The following BCL7A variants were observed in gnomAD, a reference collection of about 807,000 sequenced individuals.
BCL7A encodes B-cell CLL/lymphoma 7 protein family member A.
Under a neutral mutation model 28.4 loss-of-function variants are expected in BCL7A, and 11 were observed. That is an observed-to-expected ratio of 0.39 (90% CI 0.24 to 0.64). The LOEUF (loss-of-function observed/expected upper bound fraction) is 0.64, where lower values mean the gene tolerates loss of function less well. Among genes scored for constraint, BCL7A ranks in the 30% least tolerant of loss-of-function variants. The pLI is 0.50. For missense variants in BCL7A, 222 were observed against 274.8 expected, an observed-to-expected ratio of 0.81 and a Z score of 1.36; for synonymous variants, 123 against 103.3, an observed-to-expected ratio of 1.19 and a Z score of -1.15.
At chr12:122,025,430 C>G (rs1293435882) in intron 1 of BCL7A, among the ~76,000 whole-genome samples, 3 of 151,502 alleles carry the variant, frequency 2.0e-5, no homozygotes, top group Non-Finnish European at 4.4e-5. Flanking sequence ...CAAGACCATC[C>G]TGGCAAACAT....
At chr12:122,042,496 A>G (rs1883982097) in intron 3 of BCL7A, among the ~76,000 whole-genome samples, 1 of 152,030 alleles carries the variant, frequency 6.6e-6, no homozygotes, top group African/African-American at 2.4e-5. Context: ...TCTACTAAAA[A>G]ATACAAAACT....
intron 5 of BCL7A, among the ~76,000 whole-genome samples, chr12:122,056,618 T>C (rs1410335135): frequency 6.6e-6 from 1 of 151,882 alleles, no homozygotes; most frequent in Non-Finnish European, 1.5e-5. Flanking sequence ...CTGGGCAACA[T>C]AGCAAGACCC....
At chr12:122,026,945 T>A (rs556550848) in intron 1 of BCL7A, among the ~76,000 whole-genome samples, 1 of 152,334 alleles carries the variant, frequency 6.6e-6, no homozygotes, top group African/African-American at 2.4e-5. Flanking sequence ...TGGGGCTATA[T>A]TCCTACTGCT....
At chr12:122,041,699 GGCTGCAGTGAGCTATGATTGT>G (rs1429821891) in intron 3 of BCL7A, among the ~76,000 whole-genome samples, 1 of 152,192 alleles carries the variant, frequency 6.6e-6, no homozygotes, top group African/African-American at 2.4e-5. Flanking sequence ...AGGAGTTCGA[GGCTGCAGTGAGCTATGATTGT>G]GCTGCTGTAC....
In BCL7A at chr12:122,022,184, G is replaced by A. The variant is rs780433687; in HGVS notation, c.92+1G>A. The A allele has an allele frequency of 4.0e-6, 6 of 1,493,438 alleles. No individual in the cohort carries two copies. The highest frequency in any genetic ancestry group is 5.7e-5 in the East Asian group (2 of 34,978). The allele number at this position is 1,493,438 out of a possible 1,614,324, so 92.5% of individuals were successfully genotyped here. ...CGGCGATCGAGAAAGTGCGCAAATGGTAAGCGGAGGCGCCCGCCGCCAGCC... is the reference window on the plus strand; with the variant it reads ...CGGCGATCGAGAAAGTGCGCAAATGATAAGCGGAGGCGCCCGCCGCCAGCC... On this transcript the variant is annotated splice_donor_variant, in intron 1 of 5. Transcript: ENST00000261822. LOFTEE classifies it high-confidence loss of function.
intron 4 of BCL7A, among the ~76,000 whole-genome samples, chr12:122,052,142 T>G (rs1247794557): frequency 6.6e-6 from 1 of 152,078 alleles, no homozygotes. Flanking sequence ...CCCAAAATGC[T>G]GGGATTACAG....
intron 1 of BCL7A, among the ~76,000 whole-genome samples, chr12:122,025,225 C>T (rs1441328019): frequency 2.6e-5 from 4 of 151,938 alleles, no homozygotes; most frequent in Admixed American, 6.6e-5. Flanking sequence ...AGGCCCGCTG[C>T]GGTGGCTCAC....
rs1951916263 is a variant in BCL7A, at chr12:122,060,971, A to T, written c.*1808A>T. ...GAAAGGTTTCTGTCTTAAAAAAAAAAATCCTTGTACTTATCAATTTTGCCC... is the reference window on the plus strand; with the variant it reads ...GAAAGGTTTCTGTCTTAAAAAAAAATATCCTTGTACTTATCAATTTTGCCC... On this transcript the variant is annotated 3_prime_UTR_variant, in exon 6 of 6. Coordinates refer to ENST00000261822, the MANE Select transcript of BCL7A (RefSeq NM_001024808.3). 1 of 227,252 alleles carries T rather than the reference A, an allele frequency of 4.4e-6. No individual in the cohort carries two copies. 14.1% of individuals were successfully genotyped at this position (227,252 alleles called of 1,614,324 possible). A position where few individuals can be genotyped will look rare whatever the true frequency, so the allele number is the denominator to read the frequency against.
At chr12:122,024,414 T>C (rs1683027992) in intron 1 of BCL7A, among the ~76,000 whole-genome samples, 1 of 151,574 alleles carries the variant, frequency 6.6e-6, no homozygotes, top group Non-Finnish European at 1.5e-5. Flanking sequence ...CTCAGTGTTG[T>C]CTGTGTTGTA....
intron 3 of BCL7A, among the ~76,000 whole-genome samples, chr12:122,042,179 A>G (rs1245782661): frequency 6.6e-6 from 1 of 152,162 alleles, no homozygotes; most frequent in Admixed American, 6.6e-5. Context: ...CCATTGCCCA[A>G]TTACCCCTTC....
intron 4 of BCL7A, among the ~76,000 whole-genome samples, chr12:122,052,826 G>T (rs1458922229): frequency 7.4e-6 from 1 of 135,564 alleles, no homozygotes; most frequent in East Asian, 2.6e-4. Context: ...GGGATTACAG[G>T]CGCGCGACAC....
At chr12:122,035,915 A>G (rs528662365) in intron 3 of BCL7A, among the ~76,000 whole-genome samples, 12 of 152,158 alleles carry the variant, frequency 7.9e-5, no homozygotes, top group African/African-American at 2.9e-4. Context: ...GTCTTGGCTC[A>G]CTGCAATCTA....
At chr12:122,024,904 T>C in intron 1 of BCL7A, among the ~76,000 whole-genome samples, 1 of 152,206 alleles carries the variant, frequency 6.6e-6, no homozygotes, top group African/African-American at 2.4e-5. Flanking sequence ...GGTGGGTTTC[T>C]CCTCAGCCCT....
chr12:122,034,717 GGGT>G (rs1883814992), intron 2 of BCL7A, among the ~76,000 whole-genome samples: 1 of 151,528 alleles, frequency 6.6e-6, no homozygotes, highest in East Asian at 1.9e-4. Flanking sequence ...ACTCTAGCCT[GGGT>G]GACAGAACGA....
intron 1 of BCL7A, among the ~76,000 whole-genome samples, chr12:122,024,107 A>G: frequency 6.6e-6 from 1 of 152,082 alleles, no homozygotes; most frequent in East Asian, 1.9e-4. Context: ...GAGGCCTTCC[A>G]GCCCGCTGAC....
chr12:122,030,995 C>T (rs549111547), intron 2 of BCL7A, among the ~76,000 whole-genome samples: 14 of 152,168 alleles, frequency 9.2e-5, no homozygotes, highest in South Asian at 6.2e-4. Flanking sequence ...GAGCGGTGGA[C>T]GGGGGGATCC....
chr12:122,026,067 A>G (rs1593021666), intron 1 of BCL7A, among the ~76,000 whole-genome samples: 2 of 151,874 alleles, frequency 1.3e-5, no homozygotes, highest in Non-Finnish European at 2.9e-5. Flanking sequence ...CAGGAGATCG[A>G]GACCATCCTG....
chr12:122,044,523 A>C (rs1272492413), intron 4 of BCL7A, among the ~76,000 whole-genome samples: 1 of 151,930 alleles, frequency 6.6e-6, no homozygotes, highest in Non-Finnish European at 1.5e-5. Context: ...TAAGTAAATA[A>C]ATAAAAATCA....
chr12:122,028,177 C>G (rs550028367), intron 1 of BCL7A, among the ~76,000 whole-genome samples: 114 of 152,284 alleles, frequency 7.5e-4, no homozygotes, highest in African/African-American at 2.6e-3. Context: ...ATGTCCACAC[C>G]TAGAAATACA....
Sources: gnomAD v4.1 joint callset for allele counts (sites outside exome capture counted in the v4.1 genomes callset) on GRCh38, gnomAD v4.1.1 for gene constraint, MANE v1.5 for transcripts, NCBI Gene and HGNC (gene_info 2026-07-23, HGNC 2026-07-21) for gene names.